The following MSRB3 variants were observed in gnomAD, a reference collection of about 807,000 sequenced individuals.
The protein encoded by MSRB3 is methionine-R-sulfoxide reductase B3.
A neutral mutation model predicts 21.0 loss-of-function variants in MSRB3; 13 were observed. That is an observed-to-expected ratio of 0.62 (90% CI 0.40 to 0.98). MSRB3 has a LOEUF of 0.98. Among genes scored for constraint, MSRB3 ranks in the 50% least tolerant of loss-of-function variants. The probability of loss-of-function intolerance (pLI) is 0.00; values close to 1 mark genes in which losing one functional copy is unlikely to be tolerated. For synonymous variants in MSRB3, 87 were observed against 88.6 expected, an observed-to-expected ratio of 0.98 and a Z score of 0.10; for missense variants, 199 against 230.3, an observed-to-expected ratio of 0.86 and a Z score of 0.88.
chr12:65,291,830 G>A (rs1177962298), intron 1 of MSRB3, among the ~76,000 whole-genome samples: 1 of 152,178 alleles, frequency 6.6e-6, no homozygotes, highest in African/African-American at 2.4e-5. Flanking sequence ...ATTATGAGGA[G>A]TTTAGATAGT....
At chr12:65,376,361 C>T (rs890981352) in intron 5 of MSRB3, among the ~76,000 whole-genome samples, 7 of 152,056 alleles carry the variant, frequency 4.6e-5, no homozygotes, top group South Asian at 4.1e-4. Context: ...CCTCGTGATC[C>T]GCCCGCCTCG....
At chr12:65,290,153 G>C (rs1200466254) in intron 1 of MSRB3, among the ~76,000 whole-genome samples, 1 of 151,940 alleles carries the variant, frequency 6.6e-6, no homozygotes, top group Non-Finnish European at 1.5e-5. Flanking sequence ...GATGATAATA[G>C]TGATAATAAT....
chr12:65,332,986 A>G (rs980048093), intron 4 of MSRB3, among the ~76,000 whole-genome samples: 2 of 152,208 alleles, frequency 1.3e-5, no homozygotes, highest in African/African-American at 2.4e-5. Context: ...ATATAGTACT[A>G]CTGACTTTCA....
At chr12:65,444,202 G>C (rs186803743) in intron 5 of MSRB3, among the ~76,000 whole-genome samples, 1 of 152,088 alleles carries the variant, frequency 6.6e-6, no homozygotes, top group Admixed American at 6.6e-5. Flanking sequence ...TTTGACCTGG[G>C]AACCTGACCT....
intron 5 of MSRB3, chr12:65,420,086 A>G (rs1210169687): frequency 8.7e-6 from 4 of 459,018 alleles, no homozygotes; most frequent in East Asian, 1.1e-4. Context: ...TGAGTTTTGT[A>G]TGGTGTGAGA....
At chr12:65,299,268 T>C (rs1355176544) in intron 1 of MSRB3, among the ~76,000 whole-genome samples, 5 of 152,244 alleles carry the variant, frequency 3.3e-5, no homozygotes, top group Non-Finnish European at 5.9e-5. Context: ...TAGACTTTAA[T>C]AGACAACAGG....
At chr12:65,440,818 C>T (rs1882343705) in intron 5 of MSRB3, among the ~76,000 whole-genome samples, 1 of 151,780 alleles carries the variant, frequency 6.6e-6, no homozygotes, top group Non-Finnish European at 1.5e-5. Context: ...ATAACATTTT[C>T]ACAATTTTTG....
chr12:65,371,928 T>C (rs1878352156), intron 5 of MSRB3, among the ~76,000 whole-genome samples: 1 of 152,202 alleles, frequency 6.6e-6, no homozygotes, highest in Non-Finnish European at 1.5e-5. Flanking sequence ...ATTTCAACCA[T>C]GTATAAAAGT....
intron 1 of MSRB3, among the ~76,000 whole-genome samples, chr12:65,298,708 G>A (rs928332109): frequency 4.6e-5 from 7 of 152,070 alleles, no homozygotes; most frequent in African/African-American, 1.7e-4. Context: ...TTTTCTATGG[G>A]GAGGGATACA....
Position 65,278,755 on chromosome 12 carries a change from T to A in MSRB3, c.-162T>A. The A allele has an allele frequency of 6.3e-7, 1 of 1,575,244 alleles. No homozygotes were observed. Among genetic ancestry groups the A allele is most frequent in the Non-Finnish European group, 8.6e-7 (1 of 1,162,568 alleles). ...GCGAGGTTCGGACACCGGCGGCGGC[T>A]GCCTGGCCTTTCCATGAGCCCGCGG... is the stretch of plus-strand genomic sequence containing the variant. On this transcript the variant is annotated 5_prime_UTR_variant, in exon 1 of 7. Coordinates refer to ENST00000308259, the MANE Select transcript of MSRB3 (RefSeq NM_001031679.3).
intron 5 of MSRB3, among the ~76,000 whole-genome samples, chr12:65,384,789 TA>T (rs1226199831): frequency 6.6e-6 from 1 of 152,200 alleles, no homozygotes; most frequent in Non-Finnish European, 1.5e-5. Context: ...GATCTAAGAT[TA>T]TGTTTTCAAT....
chr12:65,404,576 C>A lies in MSRB3; in HGVS notation c.292+35550C>A, dbSNP rs541399847. On this transcript the variant is annotated intron_variant, in intron 5 of 6. Coordinates refer to ENST00000308259, the MANE Select transcript of MSRB3 (RefSeq NM_001031679.3). ...ATAGATCTGAGTTTCTGATTTATAT[C>A]ATTTTCCTTTTCTCTGAAGAATGTC... Among the ~76,000 whole-genome samples, 78 of 152,270 alleles carry A rather than the reference C, an allele frequency of 5.1e-4. 1 individual carries two copies. The highest frequency in any genetic ancestry group is 1.9e-3 in the African/African-American group (78 of 41,576).
rs188540527 is a variant in MSRB3, at chr12:65,401,191, T to C, written c.292+32165T>C. 1.3e-4 allele frequency among the ~76,000 whole-genome samples: 20 copies of C among 152,328 alleles called. No individual in the cohort carries two copies. The East Asian group carries it at 2.3e-3, about 18-fold the overall frequency. ...GTTAATTTTCTGTCTTGTGGATCTG[T>C]CTAATATTGGCAGTGGGGTGTTAAT... On this transcript the variant is annotated intron_variant, in intron 5 of 6. Coordinates refer to ENST00000308259, the MANE Select transcript of MSRB3 (RefSeq NM_001031679.3).
chr12:65,311,234 A>G (rs1455526699), intron 2 of MSRB3, among the ~76,000 whole-genome samples: 1 of 152,060 alleles, frequency 6.6e-6, no homozygotes, highest in Non-Finnish European at 1.5e-5. Context: ...TATACAAGAG[A>G]TTTCTTTTAT....
chr12:65,398,527 A>G (rs1382291737), intron 5 of MSRB3, among the ~76,000 whole-genome samples: 1 of 152,124 alleles, frequency 6.6e-6, no homozygotes, highest in African/African-American at 2.4e-5. Context: ...AGATGGATAG[A>G]TGGCAAAAAT....
chr12:65,419,975 G>A, intron 5 of MSRB3: 1 of 570,464 alleles, frequency 1.8e-6, no homozygotes, highest in Non-Finnish European at 3.5e-6. Context: ...TGGAGCCCAG[G>A]GATGGGTAGG....
chr12:65,367,447 C>T (rs1051135356), intron 4 of MSRB3, among the ~76,000 whole-genome samples: 1 of 152,210 alleles, frequency 6.6e-6, no homozygotes, highest in African/African-American at 2.4e-5. Flanking sequence ...ACACCTCTGG[C>T]TTCTATACAG....
intron 2 of MSRB3, among the ~76,000 whole-genome samples, chr12:65,310,644 G>A (rs550551035): frequency 3.0e-4 from 45 of 152,332 alleles, no homozygotes; most frequent in African/African-American, 9.6e-4. Flanking sequence ...TATTCTTCAA[G>A]ATATGACAGT....
chr12:65,332,506 G>A (rs1376136704), intron 4 of MSRB3, among the ~76,000 whole-genome samples: 1 of 152,040 alleles, frequency 6.6e-6, no homozygotes, highest in Non-Finnish European at 1.5e-5. Context: ...TGAGTGGGGA[G>A]GGAAAGCATT....
Sources: gnomAD v4.1 joint callset for allele counts (sites outside exome capture counted in the v4.1 genomes callset) on GRCh38, gnomAD v4.1.1 for gene constraint, MANE v1.5 for transcripts, NCBI Gene and HGNC (gene_info 2026-07-23, HGNC 2026-07-21) for gene names.